Variants in TOP6BL observed in about 807,000 individuals in gnomAD.
The protein encoded by TOP6BL is TOP6B like initiator of meiotic double strand breaks, also known as type 2 DNA topoisomerase 6 subunit B-like.
chr11:66,798,441 A>C, the TOP6BL span, among the ~76,000 whole-genome samples: 15 of 151,896 alleles, frequency 9.9e-5, no homozygotes, highest in Admixed American at 9.2e-4. Flanking sequence ...CTCTACTAAA[A>C]ATACAAAAAT....
the TOP6BL span, among the ~76,000 whole-genome samples, chr11:66,785,703 A>G: frequency 2.6e-5 from 4 of 152,206 alleles, no homozygotes; most frequent in South Asian, 4.1e-4. Flanking sequence ...CCCTCATCTC[A>G]TATCAGTGAG....
chr11:66,799,462 T>C, the TOP6BL span, among the ~76,000 whole-genome samples: 3 of 151,620 alleles, frequency 2.0e-5, no homozygotes, highest in African/African-American at 4.9e-5. Context: ...AAGTAAAACT[T>C]TGGGAAGCCG....
the TOP6BL span, among the ~76,000 whole-genome samples, chr11:66,785,226 T>G: frequency 1.3e-5 from 2 of 152,166 alleles, no homozygotes; most frequent in Non-Finnish European, 2.9e-5. Context: ...CCCAAAGTGC[T>G]GGGATTACAG....
the TOP6BL span, chr11:66,796,395 T>C: frequency 3.5e-4 from 525 of 1,520,650 alleles, no homozygotes; most frequent in Non-Finnish European, 4.5e-4. Context: ...ATAATGATTC[T>C]CTTATTTAAG....
chr11:66,789,667 T>C, the TOP6BL span, among the ~76,000 whole-genome samples: 1 of 152,154 alleles, frequency 6.6e-6, no homozygotes, highest in African/African-American at 2.4e-5. Flanking sequence ...TGTGTTTCAG[T>C]CAGCCTGAAC....
chr11:66,772,129 G>A, the TOP6BL span, among the ~76,000 whole-genome samples: 1 of 152,086 alleles, frequency 6.6e-6, no homozygotes, highest in African/African-American at 2.4e-5. Flanking sequence ...GACTTTGAGG[G>A]GTTCAGTACT....
At chr11:66,795,551 C>T in the TOP6BL span, among the ~76,000 whole-genome samples, 12 of 152,218 alleles carry the variant, frequency 7.9e-5, no homozygotes, top group Non-Finnish European at 1.3e-4. Context: ...ATTAGCCCAC[C>T]TCGGCCTCCC....
At chr11:66,800,568 G>A in the TOP6BL span, 6 of 1,165,528 alleles carry the variant, frequency 5.1e-6, no homozygotes, top group Non-Finnish European at 4.9e-6. Context: ...TTTCCTTTAG[G>A]GATTAGATAT....
chr11:66,784,917 TTTC>T, the TOP6BL span, among the ~76,000 whole-genome samples: 1 of 151,854 alleles, frequency 6.6e-6, no homozygotes, highest in Non-Finnish European at 1.5e-5. Flanking sequence ...GTATCTTTAA[TTTC>T]TTTTCTTTTT....
chr11:66,800,630 T>C, the TOP6BL span: 17 of 1,589,384 alleles, frequency 1.1e-5, no homozygotes, highest in African/African-American at 5.4e-5. Flanking sequence ...ACTTAACTTA[T>C]TGTTTTGCAG....
chr11:66,749,502 C>G, the TOP6BL span, among the ~76,000 whole-genome samples: 1 of 152,066 alleles, frequency 6.6e-6, no homozygotes, highest in Non-Finnish European at 1.5e-5. Flanking sequence ...CTTCTTTAGC[C>G]CACCTAGAAT....
chr11:66,822,167 A>G, the TOP6BL span, among the ~76,000 whole-genome samples: 1 of 151,968 alleles, frequency 6.6e-6, no homozygotes, highest in Non-Finnish European at 1.5e-5. Context: ...GATTTTCTAC[A>G]TCCATCCATC....
the TOP6BL span, among the ~76,000 whole-genome samples, chr11:66,780,160 AAAAG>A: frequency 3.9e-5 from 6 of 152,216 alleles, no homozygotes; most frequent in African/African-American, 1.4e-4. Context: ...TCATAAAAAA[AAAAG>A]AAACTGTGGT....
the TOP6BL span, among the ~76,000 whole-genome samples, chr11:66,745,819 TTTG>T: frequency 6.6e-6 from 1 of 151,946 alleles, no homozygotes; most frequent in Non-Finnish European, 1.5e-5. Flanking sequence ...TGTTTGTTTG[TTTG>T]TTTTTTGAGA....
At chr11:66,748,650 A>G in the TOP6BL span, 2 of 738,842 alleles carry the variant, frequency 2.7e-6, no homozygotes, top group Non-Finnish European at 4.1e-6. Flanking sequence ...TGAAATGATT[A>G]TGTAATAAGT....
the TOP6BL span, among the ~76,000 whole-genome samples, chr11:66,777,330 G>A: frequency 6.6e-6 from 1 of 151,836 alleles, no homozygotes; most frequent in African/African-American, 2.4e-5. Flanking sequence ...AGATTATACT[G>A]TGTGTTCTTG....
At chr11:66,751,426 C>T in the TOP6BL span, among the ~76,000 whole-genome samples, 2 of 152,034 alleles carry the variant, frequency 1.3e-5, no homozygotes, top group East Asian at 1.9e-4. Flanking sequence ...ATCTCTTGAC[C>T]TCGTGATCCA....
At chr11:66,826,090 G>A in the TOP6BL span, among the ~76,000 whole-genome samples, 63 of 152,136 alleles carry the variant, frequency 4.1e-4, no homozygotes, top group Admixed American at 3.3e-3. Flanking sequence ...GGATCCGCCC[G>A]CCTTGGCCTC....
At chr11:66,756,344 T>G in the TOP6BL span, 1 of 1,205,678 alleles carries the variant, frequency 8.3e-7, no homozygotes, top group Non-Finnish European at 1.1e-6. Flanking sequence ...CCCCTTTTTT[T>G]TTTCTCAGGA....
Sources: gnomAD v4.1 joint callset for allele counts (sites outside exome capture counted in the v4.1 genomes callset) on GRCh38, gnomAD v4.1.1 for gene constraint, MANE v1.5 for transcripts, NCBI Gene and HGNC (gene_info 2026-07-23, HGNC 2026-07-21) for gene names.